Variants in DPH5 observed in about 807,000 individuals in gnomAD.
The protein encoded by DPH5 is diphthine methyl ester synthase.
A neutral mutation model predicts 31.6 loss-of-function variants in DPH5; 31 were observed. That is an observed-to-expected ratio of 0.98 (90% CI 0.74 to 1.32). The LOEUF (loss-of-function observed/expected upper bound fraction) is 1.32, where lower values mean the gene tolerates loss of function less well. Among genes scored for constraint, DPH5 ranks in the 40% most tolerant of loss-of-function variants. The pLI is 0.00. For missense variants in DPH5, 309 were observed against 335.7 expected, an observed-to-expected ratio of 0.92 and a Z score of 0.62; for synonymous variants, 120 against 115.0, an observed-to-expected ratio of 1.04 and a Z score of -0.28.
At position 100,993,495 on chromosome 1, in the gene DPH5, C is replaced by A. The variant is rs1657977438; in HGVS notation, c.531-755G>T. On this transcript the variant is annotated intron_variant, in intron 6 of 7. Transcript: ENST00000370109. ...TGAACCCGGGAGACGGAGGTTGCAGCGAGCTGAGATGACACCACTGCACTC... is the reference window on the plus strand; with the variant it reads ...TGAACCCGGGAGACGGAGGTTGCAGAGAGCTGAGATGACACCACTGCACTC... 1.4e-5 allele frequency among the ~76,000 whole-genome samples: 2 copies of A among 143,192 alleles called. 1 individual carries two copies. The highest frequency in any genetic ancestry group is 4.4e-4 in the South Asian group (2 of 4,516). The allele number at this position is 143,192 out of a possible 152,430, so 93.9% of individuals were successfully genotyped here.
chr1:100,990,686 A>T, intron 7 of DPH5, 55 bp from the exon 8 acceptor site: 1 of 1,535,290 alleles, frequency 6.5e-7, no homozygotes, highest in Non-Finnish European at 9.0e-7. Context: ...CATCCATCCA[A>T]CAGTCAAACA....
At chr1:101,002,259 A>C (rs1420148734) in intron 4 of DPH5, among the ~76,000 whole-genome samples, 1 of 152,210 alleles carries the variant, frequency 6.6e-6, no homozygotes, top group Non-Finnish European at 1.5e-5. Context: ...TACAACCAAG[A>C]AGCTGGCTTC....
chr1:101,007,696 C>T (rs995504950), intron 4 of DPH5, among the ~76,000 whole-genome samples: 3 of 148,706 alleles, frequency 2.0e-5, no homozygotes, highest in Non-Finnish European at 3.0e-5. Flanking sequence ...GCCTGGGCGA[C>T]AGAGCAAGAC....
rs368005291 is a variant in DPH5, at chr1:100,990,394, G to A, written c.*14C>T. 1.9e-6 allele frequency: 3 copies of A among 1,610,456 alleles called. No individual in the cohort carries two copies. Among genetic ancestry groups the A allele is most frequent in the East Asian group, 2.2e-5 (1 of 44,858 alleles). On this transcript the variant is annotated 3_prime_UTR_variant, in exon 8 of 8. Coordinates refer to ENST00000370109, the MANE Select transcript of DPH5 (RefSeq NM_015958.3). Reference sequence around the variant, plus strand: ...TGGCTGAAATTTACATCAGACAATGGTAAATATCTATGTTCAAAGTCCATT... The same window carrying A: ...TGGCTGAAATTTACATCAGACAATGATAAATATCTATGTTCAAAGTCCATT...
chr1:100,990,243 T>C lies in DPH5; in HGVS notation c.*165A>G, dbSNP rs1265416603. The stretch of plus-strand genomic sequence containing the variant: ...CAGATCTCATGAAAGCTCACTATCA[T>C]GAGAATAGCATGAGGGAAACTGCCC... On this transcript the variant is annotated 3_prime_UTR_variant, in exon 8 of 8. Transcript: ENST00000370109. 6 of 637,200 alleles carry C rather than the reference T, an allele frequency of 9.4e-6. No homozygotes were observed. The highest frequency in any genetic ancestry group is 1.6e-5 in the Non-Finnish European group (6 of 366,488). 39.5% of individuals were successfully genotyped at this position (637,200 alleles called of 1,614,324 possible). A position where few individuals can be genotyped will look rare whatever the true frequency, so the allele number is the denominator to read the frequency against.
At chr1:101,022,442 G>A (rs1348501428) in intron 2 of DPH5, among the ~76,000 whole-genome samples, 1 of 152,216 alleles carries the variant, frequency 6.6e-6, no homozygotes, top group Non-Finnish European at 1.5e-5. Flanking sequence ...CAACTCTAGA[G>A]AACAAATCCA....
At chr1:101,010,466 G>A (rs781364786) in intron 4 of DPH5, among the ~76,000 whole-genome samples, 5 of 152,112 alleles carry the variant, frequency 3.3e-5, no homozygotes, top group Non-Finnish European at 7.4e-5. Context: ...AACTACAAAG[G>A]TAATGAACAA....
Position 101,021,626 on chromosome 1 carries a change from T to C in DPH5, c.260+15A>G, listed in dbSNP as rs146858880. 345 of 1,597,742 alleles carry C rather than the reference T, an allele frequency of 2.2e-4. 3 individuals are homozygous for C. In the African/African-American group the frequency reaches 4.1e-3, roughly 19 times the overall value. On this transcript the variant is annotated intron_variant, in intron 3 of 7. Coordinates refer to ENST00000370109, the MANE Select transcript of DPH5 (RefSeq NM_015958.3). Reference sequence around the variant, plus strand: ...GTAAATGAGTTAAAAACTCAAAATATCTGCCTTGACTTACCCAAATGGATC... The same window carrying C: ...GTAAATGAGTTAAAAACTCAAAATACCTGCCTTGACTTACCCAAATGGATC...
chr1:101,020,447 T>C (rs1431518593), intron 3 of DPH5, among the ~76,000 whole-genome samples: 2 of 152,088 alleles, frequency 1.3e-5, no homozygotes, highest in East Asian at 1.9e-4. Context: ...TGGCTCCAGG[T>C]ACACGATGAA....
At chr1:101,001,699 T>C in intron 4 of DPH5, 112 bp from the exon 5 acceptor site, 1 of 846,654 alleles carries the variant, frequency 1.2e-6, no homozygotes, top group South Asian at 1.9e-5. Context: ...CAACTCGAAA[T>C]GGGTTGGGGA....
At chr1:101,016,745 C>A (rs1660110307) in intron 3 of DPH5, among the ~76,000 whole-genome samples, 1 of 152,146 alleles carries the variant, frequency 6.6e-6, no homozygotes, top group African/African-American at 2.4e-5. Context: ...CCACACCCAG[C>A]CTCTTGGCTT....
At chr1:100,994,417 G>A (rs1420156341) in intron 6 of DPH5, among the ~76,000 whole-genome samples, 1 of 152,052 alleles carries the variant, frequency 6.6e-6, no homozygotes, top group African/African-American at 2.4e-5. Context: ...ATTAGACACT[G>A]CCTCTCTAAG....
In DPH5 at chr1:100,992,713, C is replaced by A; in HGVS notation, c.558G>T (p.Arg186=). Residue 186 remains arginine, a synonymous_variant, in exon 7 of 8, where the codon CGG becomes CGT. Transcript: ENST00000370109. ...IKGRKIYEPP[R]YMSVNQAAQQ... ...GGGCTGCTTGGTTTACACTCATATA[C>A]CGTGGAGGTTCATAGATCTTCCTTC... 6.2e-7 allele frequency: 1 copy of A among 1,613,622 alleles called. No homozygotes were observed. The highest frequency in any genetic ancestry group is 2.2e-5 in the East Asian group (1 of 44,846).
intron 5 of DPH5, chr1:100,996,381 G>A (rs1658349502): frequency 6.6e-6 from 1 of 152,194 alleles, no homozygotes. Context: ...AAAAGGAAGA[G>A]GGTTGAGGAG....
chr1:100,991,780 C>A (rs577885318), intron 7 of DPH5, among the ~76,000 whole-genome samples: 1 of 83,138 alleles, frequency 1.2e-5, no homozygotes, highest in South Asian at 2.8e-4. Flanking sequence ...CAAAGCAAGA[C>A]CCCATCTCAA....
intron 5 of DPH5, chr1:100,995,441 G>A (rs528633199): frequency 8.2e-6 from 2 of 244,672 alleles, no homozygotes; most frequent in Non-Finnish European, 1.6e-5. Context: ...ACTACTAACA[G>A]CTAATCACAA....
rs997222342 is a variant in DPH5, at chr1:100,990,255, G to A, written c.*153C>T. On this transcript the variant is annotated 3_prime_UTR_variant, in exon 8 of 8. Coordinates refer to ENST00000370109, the MANE Select transcript of DPH5 (RefSeq NM_015958.3). ...AAGCTCACTATCATGAGAATAGCAT[G>A]AGGGAAACTGCCCCCATGATTCAAT... The A allele has an allele frequency of 3.1e-5, 21 of 672,098 alleles. No homozygotes were observed. The Admixed American group carries it at 3.8e-4, about 12-fold the overall frequency. The allele number at this position is 672,098 out of a possible 1,614,324, so 41.6% of individuals were successfully genotyped here.
intron 3 of DPH5, among the ~76,000 whole-genome samples, chr1:101,015,077 A>T (rs1659979760): frequency 6.6e-6 from 1 of 152,152 alleles, no homozygotes; most frequent in Non-Finnish European, 1.5e-5. Flanking sequence ...CCAAACTCCC[A>T]TTAATGTGGG....
intron 3 of DPH5, among the ~76,000 whole-genome samples, chr1:101,015,884 T>C (rs1048951307): frequency 7.2e-5 from 11 of 152,218 alleles, no homozygotes; most frequent in Admixed American, 4.6e-4. Flanking sequence ...CCTGTCAGCC[T>C]TCATAGACTT....
Sources: gnomAD v4.1 joint callset for allele counts (sites outside exome capture counted in the v4.1 genomes callset) on GRCh38, gnomAD v4.1.1 for gene constraint, MANE v1.5 for transcripts, NCBI Gene and HGNC (gene_info 2026-07-23, HGNC 2026-07-21) for gene names.